Variants in WWC2 observed in about 807,000 individuals in gnomAD.
WWC2 encodes the protein WW and C2 domain containing 2, also known as protein WWC2.
WWC2 carries 101 observed loss-of-function variants against 138.5 expected under a neutral mutation model. That is an observed-to-expected ratio of 0.73 (90% CI 0.62 to 0.86). The LOEUF (loss-of-function observed/expected upper bound fraction) is 0.86, where lower values mean the gene tolerates loss of function less well. Among genes scored for constraint, WWC2 ranks in the 40% least tolerant of loss-of-function variants. The pLI is 0.00. For missense variants in WWC2, 1,420 were observed against 1,419.4 expected, an observed-to-expected ratio of 1.00 and a Z score of -0.01; for synonymous variants, 558 against 538.4, an observed-to-expected ratio of 1.04 and a Z score of -0.50.
rs187193149 is a variant in WWC2, at chr4:183,238,376, C to G, written c.523-1807C>G. Among the ~76,000 whole-genome samples, 9 of 152,318 alleles carry G rather than the reference C, an allele frequency of 5.9e-5. No homozygotes were observed. The East Asian group carries it at 1.7e-3, about 29-fold the overall frequency. ...GCCCACAGTGCTGGCATAATGGACC[C>G]TCGTGGCACTTCTGCTCAGTCCCCA... On this transcript the variant is annotated intron_variant, in intron 4 of 22. Coordinates refer to ENST00000403733, the MANE Select transcript of WWC2 (RefSeq NM_024949.6).
intron 21 of WWC2, among the ~76,000 whole-genome samples, chr4:183,309,385 C>A (rs1258698007): frequency 6.6e-6 from 1 of 152,140 alleles, no homozygotes; most frequent in Non-Finnish European, 1.5e-5. Flanking sequence ...TAAAACTCAA[C>A]AATACAAAAC....
Position 183,247,607 on chromosome 4 carries a change from A to ATATATGCTATATACAC in WWC2, c.733-1102_733-1101insGCTATATACACTATAT, listed in dbSNP as rs1560864666. ...ATACTATATATATGCTATATATGCT[A>ATATATGCTATATACAC]TATATACTATATATACTATATACTA... On this transcript the variant is annotated intron_variant, in intron 6 of 22. Transcript: ENST00000403733. 5.1e-4 allele frequency among the ~76,000 whole-genome samples: 69 copies of ATATATGCTATATACAC among 136,230 alleles called. 1 individual carries two copies. Among genetic ancestry groups the ATATATGCTATATACAC allele is most frequent in the African/African-American group, 1.9e-3 (64 of 33,748 alleles). 89.4% of individuals were successfully genotyped at this position (136,230 alleles called of 152,430 possible). A position where few individuals can be genotyped will look rare whatever the true frequency, so the allele number is the denominator to read the frequency against.
At chr4:183,223,161 A>C (rs534590568) in intron 4 of WWC2, among the ~76,000 whole-genome samples, 1 of 152,332 alleles carries the variant, frequency 6.6e-6, no homozygotes, top group South Asian at 2.1e-4. Context: ...TCAGTACAGT[A>C]ACATGCTGTA....
intron 21 of WWC2, among the ~76,000 whole-genome samples, chr4:183,305,350 A>C (rs368149176): frequency 2.6e-5 from 4 of 152,198 alleles, no homozygotes; most frequent in African/African-American, 9.6e-5. Flanking sequence ...TGAAGGAATA[A>C]TGACTGAGAC....
At chr4:183,243,718 G>A (rs1250633817) in intron 5 of WWC2, among the ~76,000 whole-genome samples, 1 of 149,880 alleles carries the variant, frequency 6.7e-6, no homozygotes, top group Non-Finnish European at 1.5e-5. Flanking sequence ...ATCTTTAGGG[G>A]CCCTCCCCAT....
chr4:183,260,175 TA>T (rs1447451726), intron 10 of WWC2, among the ~76,000 whole-genome samples: 1 of 152,168 alleles, frequency 6.6e-6, no homozygotes, highest in Non-Finnish European at 1.5e-5. Context: ...TCTCTAAAAA[TA>T]AAAAGCTTTT....
At chr4:183,199,427 G>A (rs1735241774) in intron 2 of WWC2, among the ~76,000 whole-genome samples, 1 of 152,158 alleles carries the variant, frequency 6.6e-6, no homozygotes, top group African/African-American at 2.4e-5. Context: ...CTCCGCTCAA[G>A]GCATTAATTG....
chr4:183,231,284 T>TG (rs1431021275), intron 4 of WWC2, among the ~76,000 whole-genome samples: 1 of 142,750 alleles, frequency 7.0e-6, no homozygotes, highest in African/African-American at 2.7e-5. Context: ...TTTTTTTTTT[T>TG]TTTGAGACAG....
chr4:183,201,857 T>C (rs1463021276), intron 2 of WWC2, among the ~76,000 whole-genome samples: 1 of 152,180 alleles, frequency 6.6e-6, no homozygotes, highest in Non-Finnish European at 1.5e-5. Context: ...CCATGGCCCA[T>C]CTTGTTTTGA....
intron 1 of WWC2, among the ~76,000 whole-genome samples, chr4:183,137,750 C>T (rs1299934864): frequency 3.9e-5 from 6 of 152,178 alleles, no homozygotes; most frequent in Admixed American, 6.5e-5. Flanking sequence ...CTGCCTGCCT[C>T]GGCCTCCCAA....
At chr4:183,260,686 G>A (rs190765804) in intron 10 of WWC2, among the ~76,000 whole-genome samples, 28 of 152,298 alleles carry the variant, frequency 1.8e-4, no homozygotes, top group African/African-American at 5.5e-4. Context: ...TACACTCTGT[G>A]ATGTTTGCAC....
intron 21 of WWC2, among the ~76,000 whole-genome samples, chr4:183,291,927 T>G (rs921001764): frequency 2.6e-5 from 4 of 151,874 alleles, no homozygotes; most frequent in African/African-American, 4.8e-5. Flanking sequence ...CAGGTAAATT[T>G]GAGATTTAAA....
chr4:183,210,687 G>T (rs924367912), intron 4 of WWC2, among the ~76,000 whole-genome samples: 1 of 152,164 alleles, frequency 6.6e-6, no homozygotes, highest in African/African-American at 2.4e-5. Context: ...ATGCAAGCCC[G>T]TATCATAGGG....
At chr4:183,117,137 G>C (rs1027441669) in intron 1 of WWC2, among the ~76,000 whole-genome samples, 1 of 150,602 alleles carries the variant, frequency 6.6e-6, no homozygotes, top group East Asian at 2.0e-4. Flanking sequence ...CCCTTTTCGA[G>C]ACAAGTTGAA....
At chr4:183,237,256 G>A (rs569667704) in intron 4 of WWC2, among the ~76,000 whole-genome samples, 41 of 150,926 alleles carry the variant, frequency 2.7e-4, no homozygotes, top group African/African-American at 9.2e-4. Context: ...GGTAAAGACA[G>A]GTTTCAGCTC....
At chr4:183,240,936 C>T (rs1419314283) in intron 5 of WWC2, among the ~76,000 whole-genome samples, 1 of 152,154 alleles carries the variant, frequency 6.6e-6, no homozygotes, top group African/African-American at 2.4e-5. Flanking sequence ...ATTCCCGGCC[C>T]CTGAAAGCCA....
chr4:183,160,775 T>G (rs1234508550), intron 1 of WWC2, among the ~76,000 whole-genome samples: 1 of 152,210 alleles, frequency 6.6e-6, no homozygotes, highest in Non-Finnish European at 1.5e-5. Context: ...TAGGTGAAGC[T>G]GTAGCACAGA....
chr4:183,189,844 G>C lies in WWC2; in HGVS notation c.132-3755G>C, dbSNP rs139178378. Reference sequence around the variant, plus strand: ...GTTAGTACAAACTCAGGTTTTTTTGGAGTTGTGCTTGTACTCACCATCATG... The same window carrying C: ...GTTAGTACAAACTCAGGTTTTTTTGCAGTTGTGCTTGTACTCACCATCATG... On this transcript the variant is annotated intron_variant, in intron 1 of 22. Coordinates refer to ENST00000403733, the MANE Select transcript of WWC2 (RefSeq NM_024949.6). Among the ~76,000 whole-genome samples the C allele has an allele frequency of 3.1e-3, 471 of 152,154 alleles. 1 individual carries two copies. The highest frequency in any genetic ancestry group is 4.7e-3 in the Non-Finnish European group (317 of 68,008).
chr4:183,110,721 T>G (rs912623043), intron 1 of WWC2, among the ~76,000 whole-genome samples: 9 of 152,186 alleles, frequency 5.9e-5, no homozygotes, highest in African/African-American at 1.9e-4. Flanking sequence ...GTTATGACAA[T>G]AATCACTTTT....
Sources: gnomAD v4.1 joint callset for allele counts (sites outside exome capture counted in the v4.1 genomes callset) on GRCh38, gnomAD v4.1.1 for gene constraint, MANE v1.5 for transcripts, NCBI Gene and HGNC (gene_info 2026-07-23, HGNC 2026-07-21) for gene names.